RP1: variants seen among roughly 807,000 people sequenced by gnomAD.
RP1 encodes the protein oxygen-regulated protein 1.
RP1 carries 16 observed loss-of-function variants against 14.8 expected under a neutral mutation model. That is an observed-to-expected ratio of 1.08 (90% CI 0.73 to 1.65). RP1 has a LOEUF of 1.65. Among genes scored for constraint, RP1 ranks in the 40% most tolerant of loss-of-function variants. RP1 has a pLI of 0.00. For synonymous variants in RP1, 876 were observed against 883.6 expected (o/e 0.99, Z 0.15); for missense variants, 2,631 against 2,535.0 (o/e 1.04, Z -0.81).
At position 54,630,158 on chromosome 8, in the gene RP1, C is replaced by T; in HGVS notation, c.6276C>T (p.Asn2092=). 1 of 1,613,810 alleles carries T rather than the reference C, an allele frequency of 6.2e-7. No homozygotes were observed. Among genetic ancestry groups the T allele is most frequent in the African/African-American group, 1.3e-5 (1 of 75,042 alleles). The change falls in exon 4 of 4, where the codon AAC becomes AAT. Residue 2092 remains asparagine (N), a synonymous_variant. Transcript: ENST00000220676. ...ACCAAGTAGTAAGAGAAAATATCAA[C>T]TGTCATTACTTCTTTGAAATGCTTG... ...NLNQVVRENI[N]CHYFFEMLGQ...
At chr8:54,677,731 C>T (rs56168676) in intron 8 of RP1, among the ~76,000 whole-genome samples, 50,058 of 151,766 alleles carry the variant, frequency 0.33, 9,118 homozygotes, top group Middle Eastern at 0.49. Context: ...TGTCTCTAAA[C>T]ATATACAAAT....
downstream of RP1, among the ~76,000 whole-genome samples, chr8:54,634,329 A>G (rs1474233799): frequency 6.6e-6 from 1 of 152,248 alleles, no homozygotes; most frequent in Non-Finnish European, 1.5e-5. Flanking sequence ...ACTAAAAATA[A>G]GCAATAAGAA....
chr8:54,660,640 T>C (rs1380028901), intron 6 of RP1, among the ~76,000 whole-genome samples: 1 of 152,038 alleles, frequency 6.6e-6, no homozygotes, highest in African/African-American at 2.4e-5. Context: ...CTTGCCTGGG[T>C]GCAGGAACCT....
At chr8:54,770,980 T>C (rs1218186418), downstream of RP1, among the ~76,000 whole-genome samples, 1 of 152,006 alleles carries the variant, frequency 6.6e-6, no homozygotes, top group African/African-American at 2.4e-5. Flanking sequence ...TTTTCAAAAA[T>C]GGATGTACTT....
In RP1 at chr8:54,630,190, C is replaced by T. The variant is rs1467369940; in HGVS notation, c.6308C>T (p.Ala2103Val). Reference sequence around the variant, plus strand: ...TACTTCTTTGAAATGCTTGGTCAAGCTTGCCTCTTAGATATTTGCCAAGTT... The same window carrying T: ...TACTTCTTTGAAATGCTTGGTCAAGTTTGCCTCTTAGATATTTGCCAAGTT... ...CHYFFEMLGQACLLDICQVET... is the reference protein window; with the variant it reads ...CHYFFEMLGQVCLLDICQVET... Residue 2103 changes from alanine to valine, a missense_variant, in exon 4 of 4, where the codon GCT becomes GTT. Ala to Val is a moderately conservative substitution (Grantham distance 64). Coordinates refer to ENST00000220676, the MANE Select transcript of RP1 (RefSeq NM_006269.2). 3 of 1,613,570 alleles carry T rather than the reference C, an allele frequency of 1.9e-6. No homozygotes were observed. Among genetic ancestry groups the T allele is most frequent in the African/African-American group, 2.7e-5 (2 of 74,920 alleles).
intron 7 of RP1, among the ~76,000 whole-genome samples, chr8:54,666,736 G>A (rs1484164583): frequency 6.6e-6 from 1 of 151,932 alleles, no homozygotes; most frequent in African/African-American, 2.4e-5. Flanking sequence ...GAAACTGGAA[G>A]TTAGATAATT....
At chr8:54,646,108 C>T (rs1806545657) in intron 3 of RP1, among the ~76,000 whole-genome samples, 1 of 151,980 alleles carries the variant, frequency 6.6e-6, no homozygotes, top group Non-Finnish European at 1.5e-5. Flanking sequence ...TTTTTTCTCC[C>T]ATAGCATTTC....
intron 24 of RP1, among the ~76,000 whole-genome samples, chr8:54,831,473 T>G (rs1056570094): frequency 4.0e-5 from 6 of 151,390 alleles, no homozygotes; most frequent in African/African-American, 1.5e-4. Context: ...GTTTTTTGTT[T>G]TTGGTGGTTT....
At chr8:54,724,184 A>G (rs906462451) in intron 16 of RP1, among the ~76,000 whole-genome samples, 1 of 152,226 alleles carries the variant, frequency 6.6e-6, no homozygotes, top group Non-Finnish European at 1.5e-5. Context: ...AATTCTGACT[A>G]TGTATATTAC....
exon 14 of RP1, chr8:54,701,660 A>G (rs1324154664): frequency 6.5e-7 from 1 of 1,534,660 alleles, no homozygotes; most frequent in Non-Finnish European, 8.7e-7. Flanking sequence ...GATTTTTGTC[A>G]AGGTAAAATG....
chr8:54,781,786 A>C (rs764616846), intron 23 of RP1, among the ~76,000 whole-genome samples: 19 of 152,328 alleles, frequency 1.2e-4, no homozygotes, highest in Non-Finnish European at 2.2e-4. Flanking sequence ...GGAAAACTTG[A>C]AAGTGAATAA....
At chr8:54,566,905 C>G (rs1415047099) in intron 1 of RP1, among the ~76,000 whole-genome samples, 2 of 152,112 alleles carry the variant, frequency 1.3e-5, no homozygotes, top group African/African-American at 4.8e-5. Flanking sequence ...CGGATGGTAC[C>G]GAGGCCCAAG....
At chr8:54,730,919 A>G (rs1808780500) in intron 17 of RP1, among the ~76,000 whole-genome samples, 1 of 152,122 alleles carries the variant, frequency 6.6e-6, no homozygotes, top group African/African-American at 2.4e-5. Flanking sequence ...TGCAGATTAT[A>G]TGTTTTGAAA....
At chr8:54,740,115 G>A (rs1041739210) in intron 19 of RP1, among the ~76,000 whole-genome samples, 1 of 148,418 alleles carries the variant, frequency 6.7e-6, no homozygotes, top group African/African-American at 2.5e-5. Context: ...TAATCACTTA[G>A]AGTGTACTCA....
chr8:54,824,376 A>G (rs1811333406), intron 24 of RP1, among the ~76,000 whole-genome samples: 1 of 152,226 alleles, frequency 6.6e-6, no homozygotes, highest in Non-Finnish European at 1.5e-5. Context: ...ATTGAAGTAG[A>G]TAATTTGAAT....
intron 24 of RP1, among the ~76,000 whole-genome samples, chr8:54,788,535 CAGA>C (rs1377903217): frequency 1.3e-5 from 2 of 151,890 alleles, no homozygotes; most frequent in Non-Finnish European, 2.9e-5. Flanking sequence ...TGACTTCATT[CAGA>C]AGTTTAGGAG....
chr8:54,829,414 C>T (rs371982629), intron 24 of RP1, among the ~76,000 whole-genome samples: 1 of 151,682 alleles, frequency 6.6e-6, no homozygotes, highest in Non-Finnish European at 1.5e-5. Flanking sequence ...TTAGATGAAA[C>T]CAGAAAATAA....
At chr8:54,846,374 A>T (rs967057334) in intron 25 of RP1, among the ~76,000 whole-genome samples, 1 of 152,184 alleles carries the variant, frequency 6.6e-6, no homozygotes, top group Non-Finnish European at 1.5e-5. Flanking sequence ...GCAAAATATA[A>T]CCTTTTTCCT....
At chr8:54,840,592 C>CA (rs59468913) in intron 25 of RP1, among the ~76,000 whole-genome samples, 39,135 of 127,230 alleles carry the variant, frequency 0.31, 5,616 homozygotes, top group South Asian at 0.37. Context: ...TTGTTACATG[C>CA]AAAAAAAAAA....
Sources: gnomAD v4.1 joint callset for allele counts (sites outside exome capture counted in the v4.1 genomes callset) on GRCh38, gnomAD v4.1.1 for gene constraint, MANE v1.5 for transcripts, NCBI Gene and HGNC (gene_info 2026-07-23, HGNC 2026-07-21) for gene names.